The following TOP2B variants were observed in gnomAD, a reference collection of about 807,000 sequenced individuals.
TOP2B encodes the protein DNA topoisomerase 2-beta.
A neutral mutation model predicts 193.5 loss-of-function variants in TOP2B; 51 were observed. That is an observed-to-expected ratio of 0.26 (90% CI 0.21 to 0.33). The LOEUF (loss-of-function observed/expected upper bound fraction) is 0.33. TOP2B is among the 10% of genes least tolerant of loss of function. The pLI is 1.00. For missense variants in TOP2B, 1,378 were observed against 1,909.3 expected (o/e 0.72, Z 5.19); for synonymous variants, 634 against 635.7 (o/e 1.00, Z 0.04).
chr3:25,613,524 G>A (rs1702430922), intron 27 of TOP2B, among the ~76,000 whole-genome samples: 2 of 152,224 alleles, frequency 1.3e-5, no homozygotes, highest in Admixed American at 1.3e-4. Context: ...TTGAGCCCAG[G>A]AGTTTGACAC....
At chr3:25,618,971 G>T in intron 23 of TOP2B, 122 bp from the exon 24 acceptor site, 1 of 651,774 alleles carries the variant, frequency 1.5e-6, no homozygotes, top group Non-Finnish European at 2.4e-6. Flanking sequence ...TGTGAACACA[G>T]ACTACCCCTA....
At chr3:25,654,254 C>T (rs189548309) in intron 1 of TOP2B, among the ~76,000 whole-genome samples, 70 of 152,148 alleles carry the variant, frequency 4.6e-4, no homozygotes, top group Non-Finnish European at 8.5e-4. Flanking sequence ...CAGCAAGTTG[C>T]AGGATACAAA....
At chr3:25,642,453 A>G in intron 3 of TOP2B, 68 bp from the exon 4 acceptor site, 1 of 959,712 alleles carries the variant, frequency 1.0e-6, no homozygotes, top group Non-Finnish European at 1.6e-6. Flanking sequence ...ACACAACTGT[A>G]TGTGCATCAC....
chr3:25,605,336 C>T (rs570880278), intron 32 of TOP2B, among the ~76,000 whole-genome samples: 1 of 152,170 alleles, frequency 6.6e-6, no homozygotes, highest in Admixed American at 6.5e-5. Context: ...GGCAGACAGG[C>T]TTACCTTCAG....
chr3:25,637,619 A>G (rs375657276), intron 5 of TOP2B, among the ~76,000 whole-genome samples: 7 of 152,100 alleles, frequency 4.6e-5, no homozygotes, highest in African/African-American at 1.7e-4. Context: ...TGAAATCTGA[A>G]CTTTCTCTCA....
chr3:25,620,563 G>T, intron 22 of TOP2B, 119 bp downstream of exon 22: 3 of 1,027,116 alleles, frequency 2.9e-6, no homozygotes, highest in Non-Finnish European at 4.1e-6. Context: ...GTAAAAGAAG[G>T]TACAGGAATT....
At chr3:25,660,631 T>C (rs115830979) in intron 1 of TOP2B, among the ~76,000 whole-genome samples, 2,695 of 152,310 alleles carry the variant, frequency 0.018, 36 homozygotes, top group Middle Eastern at 0.041. Context: ...GAGATAAATC[T>C]AACTATGGAG....
intron 16 of TOP2B, 37 bp downstream of exon 16, chr3:25,627,150 T>C (rs773023113): frequency 1.4e-6 from 2 of 1,420,298 alleles, no homozygotes; most frequent in South Asian, 2.5e-5. Flanking sequence ...GGTAGGGGGA[T>C]GGCTAACAAA....
intron 5 of TOP2B, 48 bp downstream of exon 5, chr3:25,638,117 A>T: frequency 6.7e-7 from 1 of 1,485,250 alleles, no homozygotes; most frequent in African/African-American, 1.4e-5. Flanking sequence ...TATACATTTT[A>T]TATTAAGAAA....
At chr3:25,647,548 A>G (rs111375965) in intron 1 of TOP2B, among the ~76,000 whole-genome samples, 72 of 152,102 alleles carry the variant, frequency 4.7e-4, no homozygotes, top group African/African-American at 1.7e-3. Flanking sequence ...TCAAGATTAG[A>G]CTCAACCAGA....
At chr3:25,601,916 A>T (rs1374990420) in intron 33 of TOP2B, among the ~76,000 whole-genome samples, 1 of 152,182 alleles carries the variant, frequency 6.6e-6, no homozygotes, top group East Asian at 1.9e-4. Context: ...AATGTATGGG[A>T]TCCTCGAATA....
chr3:25,649,845 A>G (rs1188171112), intron 1 of TOP2B, among the ~76,000 whole-genome samples: 1 of 152,186 alleles, frequency 6.6e-6, no homozygotes, highest in Non-Finnish European at 1.5e-5. Flanking sequence ...GACTCCAAAA[A>G]GTTCTTGGAA....
At chr3:25,638,099 T>C in intron 5 of TOP2B, 66 bp downstream of exon 5, 1 of 1,391,478 alleles carries the variant, frequency 7.2e-7, no homozygotes, top group Non-Finnish European at 9.8e-7. Context: ...ACAATTTCCT[T>C]AGTAAGTTAT....
At chr3:25,625,529 GT>G (rs1465516749) in intron 18 of TOP2B, among the ~76,000 whole-genome samples, 7 of 112,632 alleles carry the variant, frequency 6.2e-5, no homozygotes, top group African/African-American at 2.7e-4. Flanking sequence ...ACATCATGAG[GT>G]TTTTTGTTTG....
At chr3:25,655,194 A>G (rs548356694) in intron 1 of TOP2B, among the ~76,000 whole-genome samples, 19 of 152,348 alleles carry the variant, frequency 1.2e-4, no homozygotes, top group African/African-American at 3.1e-4. Context: ...CTATAACTCG[A>G]CAATAACAAA....
intron 1 of TOP2B, among the ~76,000 whole-genome samples, chr3:25,646,502 G>A (rs115232435): frequency 0.013 from 1,941 of 152,296 alleles, 42 homozygotes; most frequent in African/African-American, 0.043. Context: ...AAGAGCAGCA[G>A]AGAATATACT....
At chr3:25,643,563 T>C (rs1288372757) in intron 3 of TOP2B, 131 bp downstream of exon 3, 4 of 647,938 alleles carry the variant, frequency 6.2e-6, no homozygotes, top group Non-Finnish European at 2.7e-6. Context: ...CTGAAGATCA[T>C]TTATATTCAG....
rs115525575 is a variant in TOP2B, at chr3:25,605,917, A to G, written c.4378+126T>C. The stretch of plus-strand genomic sequence containing the variant: ...GCCTTATTATCTTGAGCAAAATATA[A>G]AAAGGAAGTTTTCTACTCATTAAAA... On this transcript the variant is annotated intron_variant, in intron 32 of 35. Transcript: ENST00000264331. The G allele has an allele frequency of 5.1e-3, 2,532 of 500,874 alleles. 57 individuals carry two copies. The highest frequency in any genetic ancestry group is 0.044 in the African/African-American group (2,193 of 50,320). 31.0% of individuals were successfully genotyped at this position (500,874 alleles called of 1,614,324 possible).
intron 33 of TOP2B, among the ~76,000 whole-genome samples, chr3:25,602,405 A>AAG (rs1702119767): frequency 2.5e-5 from 3 of 119,630 alleles, no homozygotes; most frequent in Non-Finnish European, 4.8e-5. Flanking sequence ...TCAAAAAAAA[A>AAG]AAAAGAAAAA....
Sources: allele counts gnomAD v4.1 joint callset (sites outside exome capture counted in the v4.1 genomes callset), GRCh38; gene constraint gnomAD v4.1.1; transcripts MANE v1.5; gene names NCBI Gene and HGNC (gene_info 2026-07-23, HGNC 2026-07-21).